LRRFIP1: variants seen among roughly 807,000 people sequenced by gnomAD.
LRRFIP1 encodes the protein leucine-rich repeat flightless-interacting protein 1.
LRRFIP1 carries 62 observed loss-of-function variants against 104.4 expected under a neutral mutation model. The ratio of observed to expected loss-of-function variants is 0.59; its 90% CI spans 0.48 to 0.73. LRRFIP1 has a LOEUF of 0.73. LRRFIP1 is among the 30% of genes least tolerant of loss of function. The pLI is 0.00. For missense variants in LRRFIP1, 796 were observed against 824.5 expected, an observed-to-expected ratio of 0.97 and a Z score of 0.42; for synonymous variants, 300 against 299.0, an observed-to-expected ratio of 1.00 and a Z score of -0.03.
chr2:237,722,430 A>G (rs949511958), intron 6 of LRRFIP1, among the ~76,000 whole-genome samples: 1 of 152,212 alleles, frequency 6.6e-6, no homozygotes, highest in South Asian at 2.1e-4. Context: ...TTGCAATATG[A>G]ACGAGTATTA....
intron 1 of LRRFIP1, among the ~76,000 whole-genome samples, chr2:237,638,827 T>C (rs1002522428): frequency 6.6e-6 from 1 of 152,240 alleles, no homozygotes; most frequent in Non-Finnish European, 1.5e-5. Context: ...GGGATATTTA[T>C]TGACTGCTTA....
chr2:237,733,662 T>C (rs1354675145), intron 8 of LRRFIP1, 112 bp from the exon 9 acceptor site: 1 of 1,044,430 alleles, frequency 9.6e-7, no homozygotes, highest in Non-Finnish European at 1.5e-6. Context: ...GTTTAACCAC[T>C]GTACAGCAGT....
intron 1 of LRRFIP1, among the ~76,000 whole-genome samples, chr2:237,652,099 C>T (rs11899597): frequency 0.2 from 30,999 of 152,184 alleles, 3,336 homozygotes; most frequent in African/African-American, 0.26. Flanking sequence ...CGGATCTTTC[C>T]ATCATAAACT....
In LRRFIP1 at chr2:237,749,318, A is replaced by C; in HGVS notation, c.789A>C (p.Glu263Asp). 1 of 1,613,714 alleles carries C rather than the reference A, an allele frequency of 6.2e-7. No homozygotes were observed. Among genetic ancestry groups the C allele is most frequent in the Non-Finnish European group, 8.5e-7 (1 of 1,179,980 alleles). ...TCGACACCGAGGCATCCATCAGGGA[A>C]ATCAAGGTGAGATGCTCTCTTCTTA... Reference protein sequence around the residue: ...ISIDTEASIREIKELNELKDQ... With the variant: ...ISIDTEASIRDIKELNELKDQ... Residue 263 changes from glutamate (E) to aspartate (D), a missense_variant, in exon 13 of 24, where the codon GAA (glutamate) becomes GAC (aspartate). Physicochemically the swap from Glu to Asp is conservative, Grantham distance 45 (BLOSUM62 2). Transcript: ENST00000308482.
At chr2:237,706,233 G>A (rs139751514) in intron 1 of LRRFIP1, among the ~76,000 whole-genome samples, 1 of 152,192 alleles carries the variant, frequency 6.6e-6, no homozygotes, top group African/African-American at 2.4e-5. Context: ...AGAGTCTTGG[G>A]GACCAACCCA....
At chr2:237,753,575 T>C in intron 15 of LRRFIP1, 96 bp downstream of exon 15, 6 of 1,055,166 alleles carry the variant, frequency 5.7e-6, no homozygotes, top group Non-Finnish European at 7.9e-6. Context: ...GTGGGAGGAT[T>C]ACTTGAGCCC....
At chr2:237,716,341 A>T (rs185106734) in intron 3 of LRRFIP1, among the ~76,000 whole-genome samples, 42 of 152,334 alleles carry the variant, frequency 2.8e-4, no homozygotes, top group African/African-American at 9.9e-4. Context: ...ATTCCAAGGG[A>T]ATAACCTACA....
intron 16 of LRRFIP1, 134 bp from the exon 17 acceptor site, chr2:237,757,322 A>G (rs10180757): frequency 0.046 from 24,930 of 546,392 alleles, 695 homozygotes; most frequent in African/African-American, 0.088. Flanking sequence ...AATGCTGACA[A>G]TGAGTTCAGG....
intron 8 of LRRFIP1, among the ~76,000 whole-genome samples, chr2:237,730,909 T>G (rs941880965): frequency 6.1e-5 from 9 of 146,574 alleles, no homozygotes; most frequent in African/African-American, 2.1e-4. Context: ...CAGAGTGAGA[T>G]TCCATCTCAG....
intron 1 of LRRFIP1, among the ~76,000 whole-genome samples, chr2:237,645,629 G>A (rs1210198911): frequency 2.6e-5 from 4 of 151,830 alleles, no homozygotes; most frequent in African/African-American, 9.7e-5. Flanking sequence ...TCTTTTGGGA[G>A]GTGTGGTGGC....
intron 10 of LRRFIP1, among the ~76,000 whole-genome samples, chr2:237,737,408 C>T (rs2095284790): frequency 6.6e-6 from 1 of 152,210 alleles, no homozygotes; most frequent in Non-Finnish European, 1.5e-5. Context: ...TTTCTGACTT[C>T]TGCACATTAG....
chr2:237,629,191 C>T (rs1159252701), intron 1 of LRRFIP1, among the ~76,000 whole-genome samples: 1 of 152,244 alleles, frequency 6.6e-6, no homozygotes, highest in South Asian at 2.1e-4. Context: ...ATGTCTGTTA[C>T]ATTAATTAAT....
rs2092719663 is a variant in LRRFIP1 at position 237,691,012 on chromosome 2, C to G, written c.97-17532C>G. Among the ~76,000 whole-genome samples, 1 of 151,686 alleles carries G rather than the reference C, an allele frequency of 6.6e-6. No individual in the cohort carries two copies. Among genetic ancestry groups the G allele is most frequent in the Non-Finnish European group, 1.5e-5 (1 of 68,016 alleles). ...TTCGGCTCCTCAGCACCCATTTTCCCTGCTGCACACCCTCCTGACAACTCC... is the reference window on the plus strand; with the variant it reads ...TTCGGCTCCTCAGCACCCATTTTCCGTGCTGCACACCCTCCTGACAACTCC... On this transcript the variant is annotated intron_variant, in intron 1 of 23. Coordinates refer to ENST00000308482, the MANE Select transcript of LRRFIP1 (RefSeq NM_001137550.2). The surrounding 1 kb of genome is among the most constrained non-coding windows in gnomAD (Gnocchi z 5.4).
intron 1 of LRRFIP1, among the ~76,000 whole-genome samples, chr2:237,651,199 A>G (rs138277607): frequency 1.6e-4 from 25 of 152,342 alleles, no homozygotes; most frequent in African/African-American, 5.1e-4. Context: ...AGGTTTTACC[A>G]TATTGCTTTA....
In LRRFIP1 at chr2:237,711,926, G is replaced by A. The variant is rs958717546; in HGVS notation, c.184-2333G>A. ...AGCACGCGTTCCTAACGGCGGCAAC[G>A]GTGCCTTCATGAATTTCGGGTCTTT... is the stretch of plus-strand genomic sequence containing the variant. On this transcript the variant is annotated intron_variant, in intron 2 of 23. Transcript: ENST00000308482. This position sits in a 1 kb window ranked among gnomAD's most constrained non-coding sequence, Gnocchi z 4.4. 6.6e-6 allele frequency among the ~76,000 whole-genome samples: 1 copy of A among 152,224 alleles called. No homozygotes were observed. The highest frequency in any genetic ancestry group is 6.5e-5 in the Admixed American group (1 of 15,292).
At chr2:237,641,349 T>C (rs757831227) in intron 1 of LRRFIP1, among the ~76,000 whole-genome samples, 5 of 151,648 alleles carry the variant, frequency 3.3e-5, no homozygotes, top group South Asian at 2.1e-4. Context: ...CCATCTCTAC[T>C]AAAAGTACAA....
chr2:237,694,912 T>C (rs2093065220), intron 1 of LRRFIP1, among the ~76,000 whole-genome samples: 1 of 152,230 alleles, frequency 6.6e-6, no homozygotes, highest in Non-Finnish European at 1.5e-5. Context: ...TGACCAGCAC[T>C]GTCCCAAGAA....
At chr2:237,697,348 G>A (rs538364705) in intron 1 of LRRFIP1, among the ~76,000 whole-genome samples, 3 of 152,272 alleles carry the variant, frequency 2.0e-5, no homozygotes, top group Non-Finnish European at 4.4e-5. Flanking sequence ...TTCTACATAA[G>A]GAAAATAATG....
At chr2:237,738,640 C>T (rs1029742647) in intron 10 of LRRFIP1, among the ~76,000 whole-genome samples, 22 of 152,220 alleles carry the variant, frequency 1.4e-4, no homozygotes, top group African/African-American at 4.8e-4. Flanking sequence ...TCCAGATAAT[C>T]GAGTTGCTGG....
Sources: gnomAD v4.1 joint callset for allele counts (sites outside exome capture counted in the v4.1 genomes callset) on GRCh38, gnomAD v4.1.1 for gene constraint, Gnocchi (gnomAD v3.1) non-coding constraint, MANE v1.5 for transcripts, NCBI Gene and HGNC (gene_info 2026-07-23, HGNC 2026-07-21) for gene names.